Variants in ZNF75A observed in about 807,000 individuals in gnomAD.
The protein encoded by ZNF75A is zinc finger protein 75A.
In ZNF75A, 36 loss-of-function variants were observed where a neutral mutation model predicts 46.3. That is an observed-to-expected ratio of 0.78 (90% CI 0.60 to 1.03). The LOEUF (loss-of-function observed/expected upper bound fraction) is 1.03, where lower values mean the gene tolerates loss of function less well. Ranked by LOEUF, ZNF75A falls within the 50% of genes least tolerant of loss-of-function variation. The probability of loss-of-function intolerance (pLI) is 0.00; values close to 1 mark genes in which losing one functional copy is unlikely to be tolerated. For missense variants in ZNF75A, 595 were observed against 551.3 expected, an observed-to-expected ratio of 1.08 and a Z score of -0.79; for synonymous variants, 234 against 189.9, an observed-to-expected ratio of 1.23 and a Z score of -1.91.
At chr16:3,310,149 A>G (rs958459992) in intron 2 of ZNF75A, among the ~76,000 whole-genome samples, 1 of 152,084 alleles carries the variant, frequency 6.6e-6, no homozygotes, top group African/African-American at 2.4e-5. Flanking sequence ...TGATCTCAGC[A>G]CTTTGGGAGG....
At chr16:3,313,782 C>T (rs1032894664) in intron 5 of ZNF75A, among the ~76,000 whole-genome samples, 4 of 152,144 alleles carry the variant, frequency 2.6e-5, no homozygotes, top group African/African-American at 9.7e-5. Flanking sequence ...TGGTCACTTA[C>T]ATTCAGAAAA....
Position 3,317,837 on chromosome 16 carries a change from A to G in ZNF75A, c.1582A>G (p.Ser528Gly), listed in dbSNP as rs748927794. 6 of 1,612,764 alleles carry G rather than the reference A, an allele frequency of 3.7e-6. No homozygotes were observed. The highest frequency in any genetic ancestry group is 8.5e-7 in the Non-Finnish European group (1 of 1,179,154). The change falls in exon 7 of 7, where the codon AGC (serine) becomes GGC (glycine). Residue 528 changes from serine to glycine, a missense_variant. By Grantham distance (56) the Ser-to-Gly change is moderately conservative. Coordinates refer to ENST00000669516, the MANE Select transcript of ZNF75A (RefSeq NM_001302109.2). ...ICRRNFSRRSSLLRHQKLHL is the reference protein window; with the variant it reads ...ICRRNFSRRSGLLRHQKLHL ...CAGGAGAAACTTCAGCAGGCGGTCA[A>G]GCCTTCTTAGACACCAGAAACTCCA...
At position 3,317,410 on chromosome 16, in the gene ZNF75A, G is replaced by C; in HGVS notation, c.1155G>C (p.Leu385=). 1 of 1,614,142 alleles carries C rather than the reference G, an allele frequency of 6.2e-7. No homozygotes were observed. The highest frequency in any genetic ancestry group is 8.5e-7 in the Non-Finnish European group (1 of 1,180,024). Residue 385 remains leucine (L), a synonymous_variant, in exon 7 of 7, where the codon CTG becomes CTC. Transcript: ENST00000669516. ...RKKLSTWKQE[L]LKLMDRHKKD... is the part of the protein sequence containing the mutation. ...AACTTTCAACCTGGAAACAAGAGCTGCTCAAACTTATGGATCGTCACAAGA... is the reference window on the plus strand; with the variant it reads ...AACTTTCAACCTGGAAACAAGAGCTCCTCAAACTTATGGATCGTCACAAGA...
chr16:3,323,121 CAAAA>C (rs143414069), downstream of ZNF75A: 4 of 529,820 alleles, frequency 7.5e-6, no homozygotes, highest in South Asian at 2.2e-5. Context: ...AAAAAAATCT[CAAAA>C]AAACAAAAAC....
downstream of ZNF75A, chr16:3,323,028 C>T (rs1324570248): frequency 1.6e-6 from 1 of 638,910 alleles, no homozygotes; most frequent in Non-Finnish European, 1.9e-6. Flanking sequence ...TTGCCATGAA[C>T]CTAAGCTACT....
Position 3,317,669 on chromosome 16 carries a change from A to G in ZNF75A, c.1414A>G (p.Asn472Asp). ...WCGKSFSQNT[N>D]LHTHQRTHTG... ...TGGGAAAAGCTTCAGTCAAAATACA[A>G]ATTTACATACACACCAAAGAACTCA... The change falls in exon 7 of 7, where the codon AAT becomes GAT. Residue 472 changes from asparagine (N) to aspartate (D), a missense_variant. Asn to Asp is a conservative substitution (Grantham distance 23, BLOSUM62 1). Transcript: ENST00000669516. 1 of 1,614,114 alleles carries G rather than the reference A, an allele frequency of 6.2e-7. No homozygotes were observed. Among genetic ancestry groups the G allele is most frequent in the Admixed American group, 1.7e-5 (1 of 60,000 alleles).
chr16:3,312,863 T>G, intron 4 of ZNF75A, 95 bp downstream of exon 4: 2 of 1,172,478 alleles, frequency 1.7e-6, no homozygotes, highest in Non-Finnish European at 2.3e-6. Context: ...TAGTCCCGGG[T>G]GTTCTCTGGG....
chr16:3,306,644 G>C (rs1311035099), intron 1 of ZNF75A: 1 of 152,108 alleles, frequency 6.6e-6, no homozygotes, highest in Non-Finnish European at 1.5e-5. Context: ...CCGGGGAGGT[G>C]GAAGTTGCAG....
rs1356664599 is a variant in ZNF75A at position 3,308,578 on chromosome 16, C to T, written c.150C>T (p.His50=). ...DCLDPKSSCW[H]FRNFTYDEAG... ...TCGATCCTAAGAGCTCTTGCTGGCA[C>T]TTCCGGAATTTCACCTATGATGAAG... The change falls in exon 2 of 7, where the codon CAC becomes CAT. Residue 50 remains histidine (H), a synonymous_variant. Transcript: ENST00000669516. 4 of 985,974 alleles carry T rather than the reference C, an allele frequency of 4.1e-6. No homozygotes were observed. The highest frequency in any genetic ancestry group is 9.4e-5 in the South Asian group (2 of 21,304). 61.1% of individuals were successfully genotyped at this position (985,974 alleles called of 1,614,324 possible). A position where few individuals can be genotyped will look rare whatever the true frequency, so the allele number is the denominator to read the frequency against.
chr16:3,305,799 C>G (rs989229764), intron 1 of ZNF75A, 156 bp downstream of exon 1: 3 of 152,238 alleles, frequency 2.0e-5, no homozygotes, highest in East Asian at 3.9e-4. Context: ...GCACGAGAAA[C>G]CATTCTCTCC....
rs1961248900 is a variant in ZNF75A, at chr16:3,316,903, A to G, written c.824-9A>G. On this transcript the variant is annotated splice_polypyrimidine_tract_variant and intron_variant, in intron 5 of 6. Transcript: ENST00000669516. ...ACCAGTCCTTGACCTCATTTTGTCC[A>G]TTTGACAGCATTGTTTGTGCTCCCC... 2.5e-6 allele frequency: 4 copies of G among 1,602,614 alleles called. No homozygotes were observed. Among genetic ancestry groups the G allele is most frequent in the Admixed American group, 3.4e-5 (2 of 58,546 alleles).
intron 1 of ZNF75A, 21 bp from the exon 2 acceptor site, chr16:3,308,292 T>C (rs1281703565): frequency 2.1e-6 from 1 of 472,642 alleles, no homozygotes; most frequent in African/African-American, 2.1e-5. Context: ...TGATACATAC[T>C]TTTCTTTTTC....
rs904243493 is a variant in ZNF75A at position 3,312,697 on chromosome 16, C to A, written c.625C>A (p.Leu209Ile). 1 of 1,016,866 alleles carries A rather than the reference C, an allele frequency of 9.8e-7. No individual in the cohort carries two copies. The highest frequency in any genetic ancestry group is 1.7e-5 in the African/African-American group (1 of 58,078). The allele number at this position is 1,016,866 out of a possible 1,614,324, so 63.0% of individuals were successfully genotyped here. The change falls in exon 4 of 7, where the codon CTA (leucine) becomes ATA (isoleucine). Residue 209 changes from leucine to isoleucine, a missense_variant. Leu to Ile is a conservative substitution (Grantham distance 5, BLOSUM62 2). Transcript: ENST00000669516. ...CACAGCTGTGCCTACTCAACAGATT[C>A]TAGCTTTTCCTGAGCAAACAAACAC... ...YERAVPTQQI[L>I]AFPEQTNTKD...
intron 1 of ZNF75A, chr16:3,307,088 A>G (rs535855849): frequency 6.6e-6 from 1 of 151,830 alleles, no homozygotes; most frequent in East Asian, 2.0e-4. Flanking sequence ...GGTAGCTGGG[A>G]CTACAGGCGC....
downstream of ZNF75A, among the ~76,000 whole-genome samples, chr16:3,319,783 A>ATT (rs55767869): frequency 8.8e-3 from 1,169 of 133,310 alleles, 29 homozygotes; most frequent in South Asian, 0.077. Context: ...GAAGCTTTTC[A>ATT]TTTTTTTTTT....
In ZNF75A at chr16:3,317,567, A is replaced by T; in HGVS notation, c.1312A>T (p.Arg438Trp). 6.2e-7 allele frequency: 1 copy of T among 1,614,158 alleles called. No individual in the cohort carries two copies. The highest frequency in any genetic ancestry group is 8.5e-7 in the Non-Finnish European group (1 of 1,180,008). Residue 438 changes from arginine to tryptophan, a missense_variant, in exon 7 of 7, where the codon AGG (arginine) becomes TGG (tryptophan). By Grantham distance (101) the Arg-to-Trp change is moderately radical. Coordinates refer to ENST00000669516, the MANE Select transcript of ZNF75A (RefSeq NM_001302109.2). The part of the protein sequence containing the change: ...KPYKCQQCDK[R>W]FRWSSDLNKH... Reference sequence around the variant, plus strand: ...CTATAAATGTCAACAGTGTGATAAGAGGTTTAGATGGAGTTCAGATCTTAA... The same window carrying T: ...CTATAAATGTCAACAGTGTGATAAGTGGTTTAGATGGAGTTCAGATCTTAA...
downstream of ZNF75A, chr16:3,323,285 G>T: frequency 1.1e-6 from 1 of 872,404 alleles, no homozygotes; most frequent in Non-Finnish European, 1.9e-6. Context: ...TAGCATGATG[G>T]ACCACTGAGA....
At chr16:3,307,969 T>G (rs926715791) in intron 1 of ZNF75A, 3 of 152,216 alleles carry the variant, frequency 2.0e-5, no homozygotes, top group Non-Finnish European at 4.4e-5. Context: ...AATCTTATTT[T>G]CTCCTATTCT....
Position 3,308,440 on chromosome 16 carries a change from A to G in ZNF75A, c.12A>G (p.Val4=), listed in dbSNP as rs767531937. The change falls in exon 2 of 7, where the codon GTA becomes GTG. Residue 4 remains valine, a synonymous_variant. Coordinates refer to ENST00000669516, the MANE Select transcript of ZNF75A (RefSeq NM_001302109.2). ...CTTCCTAGAGCAGAATGATGATGGT[A>G]GATCTGAAAGTGGCTGCGTACTTGG... The part of the protein sequence containing the change: MMM[V]DLKVAAYLDP... The G allele has an allele frequency of 7.1e-6, 7 of 985,916 alleles. No individual in the cohort carries two copies. The highest frequency in any genetic ancestry group is 8.4e-6 in the Non-Finnish European group (7 of 829,968). 61.1% of individuals were successfully genotyped at this position (985,916 alleles called of 1,614,324 possible).
Sources: allele counts gnomAD v4.1 joint callset (sites outside exome capture counted in the v4.1 genomes callset), GRCh38; gene constraint gnomAD v4.1.1; transcripts MANE v1.5; gene names NCBI Gene and HGNC (gene_info 2026-07-23, HGNC 2026-07-21).